The following STK31 variants were observed in gnomAD, a reference collection of about 807,000 sequenced individuals.
STK31 encodes the protein serine/threonine kinase 31, also known as serine/threonine-protein kinase 31.
In STK31, 89 loss-of-function variants were observed where a neutral mutation model predicts 129.7. The observed-to-expected ratio is 0.69, with a 90% CI of 0.58 to 0.82. The LOEUF (loss-of-function observed/expected upper bound fraction) is 0.82, where lower values mean the gene tolerates loss of function less well. STK31 is among the 40% of genes least tolerant of loss of function. The pLI is 0.00. For synonymous variants in STK31, 448 were observed against 395.3 expected (o/e 1.13, Z -1.58); for missense variants, 1,187 against 1,176.4 (o/e 1.01, Z -0.13).
At chr7:23,714,226 T>C (rs775683379) in intron 3 of STK31, among the ~76,000 whole-genome samples, 16 of 152,232 alleles carry the variant, frequency 1.1e-4, no homozygotes, top group Non-Finnish European at 1.9e-4. Flanking sequence ...TATGCACATA[T>C]ATTTGGCAAA....
intron 16 of STK31, 77 bp downstream of exon 16, chr7:23,781,597 G>C (rs1790929805): frequency 2.0e-6 from 2 of 1,018,080 alleles, no homozygotes; most frequent in Non-Finnish European, 3.0e-6. Flanking sequence ...TTTATGAAGT[G>C]GACTGTAATC....
chr7:23,740,764 C>T (rs546359038), intron 8 of STK31, among the ~76,000 whole-genome samples: 7 of 151,946 alleles, frequency 4.6e-5, no homozygotes, highest in East Asian at 3.9e-4. Context: ...TTTGTCCTTG[C>T]GATAGTTTGC....
intron 22 of STK31, among the ~76,000 whole-genome samples, chr7:23,799,658 C>G (rs55745002): frequency 0.18 from 27,515 of 152,100 alleles, 2,583 homozygotes; most frequent in South Asian, 0.24. Flanking sequence ...CTAGGTAATA[C>G]CATTTAGGAC....
chr7:23,737,220 AT>A (rs1287974995), intron 8 of STK31, 142 bp downstream of exon 8: 39 of 616,606 alleles, frequency 6.3e-5, no homozygotes, highest in Non-Finnish European at 7.8e-5. Context: ...TTATAGGTGA[AT>A]TTTTTTTCAT....
At chr7:23,782,165 A>C (rs6461736) in intron 16 of STK31, among the ~76,000 whole-genome samples, 55,084 of 151,900 alleles carry the variant, frequency 0.36, 10,116 homozygotes, top group Admixed American at 0.41. Flanking sequence ...TTAGTTAAGA[A>C]ACAGTGCTTT....
intron 17 of STK31, 51 bp downstream of exon 17, chr7:23,783,714 G>A (rs1234217274): frequency 2.1e-6 from 3 of 1,397,026 alleles, no homozygotes; most frequent in Non-Finnish European, 3.0e-6. Flanking sequence ...GTGTTGAAAA[G>A]TGATAATATT....
intron 23 of STK31, among the ~76,000 whole-genome samples, chr7:23,827,594 C>T (rs1361117453): frequency 1.3e-5 from 2 of 152,226 alleles, no homozygotes; most frequent in African/African-American, 4.8e-5. Context: ...CCTCTCTCAA[C>T]TCGTCAAAGT....
At chr7:23,767,275 T>G (rs1447092359) in intron 11 of STK31, among the ~76,000 whole-genome samples, 3 of 152,200 alleles carry the variant, frequency 2.0e-5, no homozygotes, top group African/African-American at 7.2e-5. Context: ...TTCTTATCTC[T>G]CCTCAAGATC....
chr7:23,777,952 A>T (rs1003113631), intron 15 of STK31, among the ~76,000 whole-genome samples: 1 of 151,990 alleles, frequency 6.6e-6, no homozygotes, highest in Non-Finnish European at 1.5e-5. Context: ...ACAATTTGGT[A>T]TGTTTTTGCA....
At chr7:23,811,307 G>C (rs531888394) in intron 22 of STK31, 54 of 417,812 alleles carry the variant, frequency 1.3e-4, no homozygotes, top group African/African-American at 1.1e-3. Context: ...TTGTTCTGCA[G>C]CTTCTGCCAT....
chr7:23,790,242 G>T (rs1328753737), intron 21 of STK31, among the ~76,000 whole-genome samples: 1 of 151,988 alleles, frequency 6.6e-6, no homozygotes, highest in Non-Finnish European at 1.5e-5. Flanking sequence ...GCTCAAAGAG[G>T]TTTACACCTA....
chr7:23,812,930 T>TA (rs1489345828), intron 22 of STK31, among the ~76,000 whole-genome samples: 7 of 152,312 alleles, frequency 4.6e-5, no homozygotes, highest in Non-Finnish European at 1.0e-4. Context: ...CTCACACACA[T>TA]ACATACACAC....
chr7:23,760,281 G>A (rs550753753), intron 10 of STK31, among the ~76,000 whole-genome samples: 1 of 141,424 alleles, frequency 7.1e-6, no homozygotes, highest in East Asian at 2.3e-4. Context: ...TGCCTCTGTG[G>A]ATTATACCCT....
intron 3 of STK31, among the ~76,000 whole-genome samples, chr7:23,715,296 G>A (rs1559012): frequency 0.26 from 38,879 of 151,830 alleles, 5,410 homozygotes; most frequent in East Asian, 0.4. Context: ...GGAATCTGAC[G>A]TATTTGACTC....
chr7:23,746,910 A>G (rs1788388433), intron 8 of STK31, among the ~76,000 whole-genome samples: 1 of 152,006 alleles, frequency 6.6e-6, no homozygotes, highest in Non-Finnish European at 1.5e-5. Flanking sequence ...AATAAATTAA[A>G]CTTTTTACTT....
At chr7:23,726,657 A>G (rs949769472) in intron 4 of STK31, among the ~76,000 whole-genome samples, 1 of 151,746 alleles carries the variant, frequency 6.6e-6, no homozygotes, top group Non-Finnish European at 1.5e-5. Flanking sequence ...AAGTACATAA[A>G]TTTTCTCTTT....
In STK31 at chr7:23,786,491, T is replaced by G. The variant is rs371267694; in HGVS notation, c.2275-17T>G. On this transcript the variant is annotated splice_polypyrimidine_tract_variant and intron_variant, in intron 18 of 23. Coordinates refer to ENST00000355870, the MANE Select transcript of STK31 (RefSeq NM_031414.5). ...TTTTCATCTTGGAATTACGAGTGCC[T>G]CTTTCTTTGGTACAAGGGCTATTCT... 5.1e-6 allele frequency: 8 copies of G among 1,577,752 alleles called. No homozygotes were observed. In the Admixed American group the frequency reaches 9.3e-5, roughly 18 times the overall value.
chr7:23,781,431 G>A lies in STK31; in HGVS notation c.1978G>A (p.Asp660Asn). The A allele has an allele frequency of 6.2e-7, 1 of 1,609,554 alleles. No homozygotes were observed. Among genetic ancestry groups the A allele is most frequent in the Non-Finnish European group, 8.5e-7 (1 of 1,178,518 alleles). The change falls in exon 16 of 24, where the codon GAT becomes AAT. Residue 660 changes from aspartate to asparagine, a missense_variant. Around this residue, in one of 5 missense-constraint regions of STK31, gnomAD observed 975 missense variants for 934.9 expected, o/e 1.04. Coordinates refer to ENST00000355870, the MANE Select transcript of STK31 (RefSeq NM_031414.5). ...TTTCTGATTCAAGTCAGATGATCCTGATGGCTCTCAAATTGAGAAAATAAA... is the reference window on the plus strand; with the variant it reads ...TTTCTGATTCAAGTCAGATGATCCTAATGGCTCTCAAATTGAGAAAATAAA... ...KSNLEESDDPDGSQIEKIKEE... is the reference protein window; with the variant it reads ...KSNLEESDDPNGSQIEKIKEE...
intron 23 of STK31, among the ~76,000 whole-genome samples, chr7:23,829,729 G>T (rs1438246692): frequency 6.6e-6 from 1 of 152,156 alleles, no homozygotes; most frequent in Non-Finnish European, 1.5e-5. Flanking sequence ...TGAAAGTTCA[G>T]TAGAATTCAG....
Sources: allele counts gnomAD v4.1 joint callset (sites outside exome capture counted in the v4.1 genomes callset), GRCh38; gene constraint gnomAD v4.1.1; regional missense constraint gnomAD v4.1.1; transcripts MANE v1.5; gene names NCBI Gene and HGNC (gene_info 2026-07-23, HGNC 2026-07-21).